DIP2C: variants seen among roughly 807,000 people sequenced by gnomAD.
The protein encoded by DIP2C is disco-interacting protein 2 homolog C.
DIP2C carries 33 observed loss-of-function variants against 192.4 expected under a neutral mutation model. The ratio of observed to expected loss-of-function variants is 0.17; its 90% CI spans 0.13 to 0.23. The LOEUF (loss-of-function observed/expected upper bound fraction) is 0.23. Ranked by LOEUF, DIP2C falls within the 10% of genes least tolerant of loss-of-function variation. DIP2C has a pLI of 1.00. For missense variants in DIP2C, 1,537 were observed against 2,110.1 expected (o/e 0.73, Z 5.32); for synonymous variants, 979 against 864.1 (o/e 1.13, Z -2.33).
chr10:414,733 GTGTGTGTACATA>G lies in DIP2C; in HGVS notation c.860-635_860-624del, dbSNP rs1353722783. 2.0e-3 allele frequency among the ~76,000 whole-genome samples: 116 copies of G among 58,292 alleles called. 5 individuals are homozygous for G. Among genetic ancestry groups the G allele is most frequent in the African/African-American group, 7.1e-3 (115 of 16,094 alleles). The allele number at this position is 58,292 out of a possible 152,430, so 38.2% of individuals were successfully genotyped here. A position where few individuals can be genotyped will look rare whatever the true frequency, so the allele number is the denominator to read the frequency against. On this transcript the variant is annotated intron_variant, in intron 7 of 36. Coordinates refer to ENST00000280886, the MANE Select transcript of DIP2C (RefSeq NM_014974.3). ...TGTGTGTGTGTGTGTGTGTGTGTGT[GTGTGTGTACATA>G]TATATATATATAATGTGTATATATA...
At chr10:425,638 G>C (rs1003274619) in intron 4 of DIP2C, among the ~76,000 whole-genome samples, 2 of 151,870 alleles carry the variant, frequency 1.3e-5, no homozygotes, top group Non-Finnish European at 2.9e-5. Flanking sequence ...GGATGATACA[G>C]CATGACCAGT....
chr10:416,511 C>T (rs926020270), intron 6 of DIP2C, among the ~76,000 whole-genome samples: 9 of 152,148 alleles, frequency 5.9e-5, no homozygotes, highest in Non-Finnish European at 1.2e-4. Flanking sequence ...CACACACAGG[C>T]AATGCATCCT....
At chr10:350,699 C>A (rs1054000566) in intron 24 of DIP2C, among the ~76,000 whole-genome samples, 1 of 144,840 alleles carries the variant, frequency 6.9e-6, no homozygotes, top group Non-Finnish European at 1.5e-5. Flanking sequence ...AGTGCAGTGG[C>A]GCGATCTCAG....
At chr10:360,772 T>C (rs1959378704) in intron 22 of DIP2C, among the ~76,000 whole-genome samples, 1 of 152,220 alleles carries the variant, frequency 6.6e-6, no homozygotes, top group Non-Finnish European at 1.5e-5. Flanking sequence ...AATCTGAGGG[T>C]ACACAGTGCC....
chr10:510,134 T>C (rs1845911585), intron 1 of DIP2C, among the ~76,000 whole-genome samples: 4 of 152,214 alleles, frequency 2.6e-5, no homozygotes, highest in East Asian at 1.9e-4. Context: ...ACAACACGCA[T>C]GACCACTGAA....
Position 536,598 on chromosome 10 carries a change from C to T in DIP2C, c.86-50068G>A, listed in dbSNP as rs528753146. Among the ~76,000 whole-genome samples, 14 of 152,290 alleles carry T rather than the reference C, an allele frequency of 9.2e-5. No individual in the cohort carries two copies. The East Asian group carries it at 2.1e-3, about 23-fold the overall frequency. On this transcript the variant is annotated intron_variant, in intron 1 of 36. Transcript: ENST00000280886. ...ACTGGGACATAAGTTTGGGAGGACA[C>T]AATTTAATACCAGGAGCCGGACAGA...
At chr10:327,208 C>T in intron 30 of DIP2C, 32 bp from the exon 31 acceptor site, 3 of 1,600,770 alleles carry the variant, frequency 1.9e-6, no homozygotes, top group Non-Finnish European at 2.6e-6. Flanking sequence ...CCGAGTCAGC[C>T]CCCACGTGTC....
At chr10:339,101 G>A (rs565779775) in intron 29 of DIP2C, among the ~76,000 whole-genome samples, 7 of 151,880 alleles carry the variant, frequency 4.6e-5, no homozygotes, top group Non-Finnish European at 8.8e-5. Flanking sequence ...AGGTCGAGGC[G>A]TCCTCAAATT....
intron 1 of DIP2C, among the ~76,000 whole-genome samples, chr10:540,739 A>C (rs1847936022): frequency 6.6e-6 from 1 of 152,226 alleles, no homozygotes; most frequent in South Asian, 2.1e-4. Flanking sequence ...TGAGAAAAGT[A>C]ATCTCTAATT....
At chr10:381,600 G>A (rs1433853814) in intron 17 of DIP2C, among the ~76,000 whole-genome samples, 2 of 152,176 alleles carry the variant, frequency 1.3e-5, no homozygotes, top group African/African-American at 2.4e-5. Flanking sequence ...CCTGACATGC[G>A]TGCCCACGTG....
At chr10:335,675 G>A (rs986718099) in intron 29 of DIP2C, among the ~76,000 whole-genome samples, 1 of 152,240 alleles carries the variant, frequency 6.6e-6, no homozygotes, top group Admixed American at 6.5e-5. Flanking sequence ...TATCGCGGAT[G>A]CGGCTCTCTT....
intron 36 of DIP2C, among the ~76,000 whole-genome samples, chr10:278,184 G>A (rs1954619902): frequency 1.3e-5 from 2 of 151,988 alleles, no homozygotes; most frequent in African/African-American, 2.4e-5. Flanking sequence ...GCGTGTGGAC[G>A]CCTAGGGCAT....
At chr10:578,658 G>T (rs891438102) in intron 1 of DIP2C, among the ~76,000 whole-genome samples, 3 of 152,192 alleles carry the variant, frequency 2.0e-5, no homozygotes, top group Non-Finnish European at 4.4e-5. Flanking sequence ...CGGGATCCCT[G>T]CAGGGGCCCT....
At chr10:312,512 C>T (rs533938767) in intron 31 of DIP2C, among the ~76,000 whole-genome samples, 74 of 152,190 alleles carry the variant, frequency 4.9e-4, no homozygotes, top group African/African-American at 1.4e-3. Flanking sequence ...GCAGTGGAAA[C>T]GGAGTTAAGT....
At chr10:573,198 G>A (rs1849930489) in intron 1 of DIP2C, among the ~76,000 whole-genome samples, 1 of 152,066 alleles carries the variant, frequency 6.6e-6, no homozygotes, top group Admixed American at 6.6e-5. Context: ...CCAAGGAAGG[G>A]AAAATCATGC....
chr10:541,044 CG>C (rs1847956325), intron 1 of DIP2C, among the ~76,000 whole-genome samples: 1 of 98,940 alleles, frequency 1.0e-5, no homozygotes, highest in Non-Finnish European at 1.9e-5. Context: ...CCACAACACC[CG>C]ATGCTGGGGA....
chr10:343,204 G>A (rs117374625), intron 28 of DIP2C, among the ~76,000 whole-genome samples: 45 of 152,194 alleles, frequency 3.0e-4, no homozygotes, highest in Non-Finnish European at 1.8e-4. Context: ...CAGGAGAATC[G>A]CTTGAACCAA....
At chr10:278,212 T>C (rs1469674027) in intron 36 of DIP2C, among the ~76,000 whole-genome samples, 2 of 147,700 alleles carry the variant, frequency 1.4e-5, no homozygotes, top group Admixed American at 6.7e-5. Flanking sequence ...TACTCCTCTC[T>C]GTCTGTGCAC....
At chr10:494,221 G>C (rs885593) in intron 1 of DIP2C, among the ~76,000 whole-genome samples, 20,277 of 152,246 alleles carry the variant, frequency 0.13, 2,723 homozygotes, top group African/African-American at 0.34. Flanking sequence ...TTTGACAGCA[G>C]AAAGAAGTGG....
Sources: gnomAD v4.1 joint callset for allele counts (sites outside exome capture counted in the v4.1 genomes callset) on GRCh38, gnomAD v4.1.1 for gene constraint, MANE v1.5 for transcripts, NCBI Gene and HGNC (gene_info 2026-07-23, HGNC 2026-07-21) for gene names.